Variants in PBX3 observed in about 807,000 individuals in gnomAD.
PBX3 encodes the protein pre-B-cell leukemia transcription factor 3.
Under a neutral mutation model 48.5 loss-of-function variants are expected in PBX3, and 14 were observed. The observed-to-expected ratio is 0.29, with a 90% CI of 0.19 to 0.45. The LOEUF is 0.45. Ranked by LOEUF, PBX3 falls within the 20% of genes least tolerant of loss-of-function variation. The probability of loss-of-function intolerance (pLI) is 1.00; values close to 1 mark genes in which losing one functional copy is unlikely to be tolerated. For synonymous variants in PBX3, 210 were observed against 200.3 expected, an observed-to-expected ratio of 1.05 and a Z score of -0.41; for missense variants, 386 against 546.7, an observed-to-expected ratio of 0.71 and a Z score of 2.93.
At chr9:125,801,515 T>C (rs1837943696) in intron 2 of PBX3, among the ~76,000 whole-genome samples, 2 of 152,204 alleles carry the variant, frequency 1.3e-5, no homozygotes, top group Admixed American at 1.3e-4. Flanking sequence ...CATAAATTTT[T>C]CCATTATTAA....
chr9:125,924,894 T>G (rs1053131636), intron 3 of PBX3, among the ~76,000 whole-genome samples: 2 of 152,228 alleles, frequency 1.3e-5, no homozygotes, highest in African/African-American at 2.4e-5. Flanking sequence ...AGAGAACATC[T>G]GCCAAATACC....
intron 2 of PBX3, among the ~76,000 whole-genome samples, chr9:125,763,154 G>A (rs1836713066): frequency 1.3e-5 from 2 of 152,196 alleles, no homozygotes; most frequent in Non-Finnish European, 2.9e-5. Flanking sequence ...AGCCCAGTTT[G>A]AGAAAAGCAA....
chr9:125,784,967 A>AT (rs1404492662), intron 2 of PBX3, among the ~76,000 whole-genome samples: 1 of 152,110 alleles, frequency 6.6e-6, no homozygotes, highest in Non-Finnish European at 1.5e-5. Flanking sequence ...AAATGTCCTA[A>AT]TTTCTCTAAG....
At chr9:125,803,335 G>T (rs1416843639) in intron 2 of PBX3, among the ~76,000 whole-genome samples, 1 of 151,496 alleles carries the variant, frequency 6.6e-6, no homozygotes, top group South Asian at 2.1e-4. Flanking sequence ...TGATCCACCC[G>T]CCTCAGCCTC....
At chr9:125,914,828 C>CT (rs1244696443) in intron 2 of PBX3, among the ~76,000 whole-genome samples, 1 of 152,178 alleles carries the variant, frequency 6.6e-6, no homozygotes, top group East Asian at 1.9e-4. Flanking sequence ...TATTTTAAAA[C>CT]TTTGTCTTCT....
intron 2 of PBX3, among the ~76,000 whole-genome samples, chr9:125,811,206 A>C (rs1217528291): frequency 6.6e-6 from 1 of 152,220 alleles, no homozygotes; most frequent in East Asian, 1.9e-4. Flanking sequence ...TATTGTTAGC[A>C]TATGGAAAAT....
intron 2 of PBX3, among the ~76,000 whole-genome samples, chr9:125,847,193 A>G (rs1164937559): frequency 2.6e-5 from 4 of 152,008 alleles, no homozygotes; most frequent in East Asian, 1.9e-4. Context: ...TTGGTGATCA[A>G]TGCTTACATC....
intron 2 of PBX3, among the ~76,000 whole-genome samples, chr9:125,867,092 A>C (rs1031230239): frequency 3.9e-5 from 6 of 152,180 alleles, no homozygotes; most frequent in African/African-American, 1.2e-4. Context: ...ATTTGACAAA[A>C]ATAATACCAT....
intron 2 of PBX3, among the ~76,000 whole-genome samples, chr9:125,834,397 T>G (rs1715404981): frequency 6.6e-6 from 1 of 151,678 alleles, no homozygotes. Context: ...TTTTTACTTG[T>G]TTTTTTTATT....
intron 3 of PBX3, among the ~76,000 whole-genome samples, chr9:125,918,033 G>A (rs1200788227): frequency 6.6e-6 from 1 of 152,120 alleles, no homozygotes; most frequent in African/African-American, 2.4e-5. Flanking sequence ...CTTATTTGTA[G>A]TATAATCCTA....
chr9:125,887,154 G>T (rs978029031), intron 2 of PBX3, among the ~76,000 whole-genome samples: 1 of 152,056 alleles, frequency 6.6e-6, no homozygotes, highest in Non-Finnish European at 1.5e-5. Flanking sequence ...TTGTTGAAGA[G>T]AAATTTTATG....
intron 2 of PBX3, among the ~76,000 whole-genome samples, chr9:125,828,780 G>A (rs893134234): frequency 3.3e-5 from 5 of 152,300 alleles, no homozygotes; most frequent in South Asian, 2.1e-4. Context: ...CAAAAGGAAC[G>A]TTGAGTCTAA....
At chr9:125,912,736 A>G (rs1032075570) in intron 2 of PBX3, among the ~76,000 whole-genome samples, 27 of 152,298 alleles carry the variant, frequency 1.8e-4, no homozygotes, top group African/African-American at 6.5e-4. Context: ...ATTTTGGATT[A>G]AAAACAAGTA....
chr9:125,893,557 A>G (rs889923856), intron 2 of PBX3, among the ~76,000 whole-genome samples: 1 of 151,658 alleles, frequency 6.6e-6, no homozygotes, highest in Non-Finnish European at 1.5e-5. Flanking sequence ...CTAATTGAGA[A>G]ATTATTTGAT....
At chr9:125,823,077 A>G (rs1401880443) in intron 2 of PBX3, among the ~76,000 whole-genome samples, 3 of 151,698 alleles carry the variant, frequency 2.0e-5, no homozygotes, top group Non-Finnish European at 2.9e-5. Flanking sequence ...TTTAGCAAGT[A>G]TGCCTCTTGT....
At chr9:125,798,920 T>C (rs1474656261) in intron 2 of PBX3, among the ~76,000 whole-genome samples, 3 of 151,968 alleles carry the variant, frequency 2.0e-5, no homozygotes, top group African/African-American at 4.8e-5. Flanking sequence ...AATATATACA[T>C]ATATAAGACT....
intron 2 of PBX3, among the ~76,000 whole-genome samples, chr9:125,904,386 T>A (rs1841020918): frequency 6.6e-6 from 1 of 151,898 alleles, no homozygotes; most frequent in Admixed American, 6.6e-5. Context: ...TTGCAAATAT[T>A]TGTGTATCTC....
chr9:125,754,541 C>T (rs1257318657), intron 2 of PBX3, among the ~76,000 whole-genome samples: 1 of 152,016 alleles, frequency 6.6e-6, no homozygotes, highest in Non-Finnish European at 1.5e-5. Context: ...ATAAGTAATT[C>T]TTGAATGAGC....
At chr9:125,906,111 ATGC>A (rs768661386) in intron 2 of PBX3, among the ~76,000 whole-genome samples, 3 of 152,062 alleles carry the variant, frequency 2.0e-5, no homozygotes, top group Non-Finnish European at 4.4e-5. Flanking sequence ...CATTAATTAG[ATGC>A]TGTATTTATA....
Sources: gnomAD v4.1 joint callset for allele counts (sites outside exome capture counted in the v4.1 genomes callset) on GRCh38, gnomAD v4.1.1 for gene constraint, MANE v1.5 for transcripts, NCBI Gene and HGNC (gene_info 2026-07-23, HGNC 2026-07-21) for gene names.